The following RBFOX1 variants were observed in gnomAD, a reference collection of about 807,000 sequenced individuals.
RBFOX1 encodes RNA binding protein fox-1 homolog 1.
Under a neutral mutation model 57.7 loss-of-function variants are expected in RBFOX1, and 8 were observed. The ratio of observed to expected loss-of-function variants is 0.14; its 90% CI spans 0.08 to 0.25. The LOEUF (loss-of-function observed/expected upper bound fraction) is 0.25. Among genes scored for constraint, RBFOX1 ranks in the 10% least tolerant of loss-of-function variants. The pLI is 1.00. For missense variants in RBFOX1, 611 were observed against 548.5 expected (o/e 1.11, Z -1.14); for synonymous variants, 326 against 222.4 (o/e 1.47, Z -4.15).
At chr16:6,595,203 A>G (rs1049784377) in intron 2 of RBFOX1, among the ~76,000 whole-genome samples, 2 of 152,082 alleles carry the variant, frequency 1.3e-5, no homozygotes, top group African/African-American at 4.8e-5. Flanking sequence ...ATTAGTACTC[A>G]CACCCTGTAC....
chr16:5,454,246 G>A (rs1340563012), intron 1 of RBFOX1, among the ~76,000 whole-genome samples: 1 of 152,172 alleles, frequency 6.6e-6, no homozygotes, highest in East Asian at 1.9e-4. Context: ...CCCTCTGGAG[G>A]GAATAGTGTC....
intron 4 of RBFOX1, among the ~76,000 whole-genome samples, chr16:7,323,936 T>C (rs557136466): frequency 2.6e-5 from 4 of 151,790 alleles, no homozygotes; most frequent in Admixed American, 6.6e-5. Context: ...GGGTGGATGA[T>C]GAGTGGGTGG....
At chr16:5,753,914 C>G (rs1045743531) in intron 3 of RBFOX1, among the ~76,000 whole-genome samples, 1 of 151,806 alleles carries the variant, frequency 6.6e-6, no homozygotes, top group Non-Finnish European at 1.5e-5. Context: ...AGGGACAATA[C>G]AGGATTCTGT....
chr16:6,583,564 G>A (rs2097566622), intron 2 of RBFOX1, among the ~76,000 whole-genome samples: 1 of 152,196 alleles, frequency 6.6e-6, no homozygotes, highest in Admixed American at 6.5e-5. Flanking sequence ...ATTGGGGAGA[G>A]CATCTTGTTA....
intron 2 of RBFOX1, among the ~76,000 whole-genome samples, chr16:6,388,453 T>G (rs1217901235): frequency 6.6e-6 from 1 of 152,190 alleles, no homozygotes; most frequent in Admixed American, 6.5e-5. Context: ...TTAAAACATG[T>G]GTTTGTTTTT....
At chr16:5,274,857 G>A (rs1484576661) in intron 1 of RBFOX1, among the ~76,000 whole-genome samples, 3 of 152,214 alleles carry the variant, frequency 2.0e-5, no homozygotes, top group Non-Finnish European at 4.4e-5. Flanking sequence ...GAATGGGCAT[G>A]TCAGGGTCTA....
chr16:6,313,470 G>A (rs990594464), intron 1 of RBFOX1, among the ~76,000 whole-genome samples: 3 of 152,144 alleles, frequency 2.0e-5, no homozygotes, highest in African/African-American at 4.8e-5. Context: ...AAACAGAAAC[G>A]TTGCAGTAGC....
chr16:5,393,036 A>G (rs1378426537), intron 1 of RBFOX1, among the ~76,000 whole-genome samples: 2 of 152,140 alleles, frequency 1.3e-5, no homozygotes, highest in Non-Finnish European at 2.9e-5. Context: ...AGAGGTGGCT[A>G]AAAGACCTCC....
chr16:5,543,816 C>A (rs1382008620), intron 2 of RBFOX1, among the ~76,000 whole-genome samples: 4 of 152,018 alleles, frequency 2.6e-5, no homozygotes, highest in Admixed American at 6.6e-5. Flanking sequence ...TACAGAGCCA[C>A]AAAGATAAGG....
At chr16:7,357,877 C>A (rs1482976352) in intron 4 of RBFOX1, among the ~76,000 whole-genome samples, 1 of 152,178 alleles carries the variant, frequency 6.6e-6, no homozygotes, top group Non-Finnish European at 1.5e-5. Flanking sequence ...TTTCTTCAGT[C>A]TAGTTTTGGT....
chr16:6,063,708 A>G (rs6500746), intron 1 of RBFOX1, among the ~76,000 whole-genome samples: 131,155 of 152,146 alleles, frequency 0.86, 56,601 homozygotes, highest in African/African-American at 0.88. Flanking sequence ...GGGTCCTGTC[A>G]CCAGGGCAAC....
intron 1 of RBFOX1, among the ~76,000 whole-genome samples, chr16:6,021,137 T>C (rs1249209459): frequency 2.0e-5 from 3 of 152,192 alleles, no homozygotes; most frequent in African/African-American, 7.2e-5. Flanking sequence ...GGGAGTGTGG[T>C]GAAATAGCTT....
intron 4 of RBFOX1, among the ~76,000 whole-genome samples, chr16:6,002,456 G>C (rs189106559): frequency 1.5e-3 from 230 of 152,302 alleles, no homozygotes; most frequent in Middle Eastern, 6.8e-3. Flanking sequence ...ATGCACCTTT[G>C]CATTTTGAAC....
chr16:7,350,260 G>T (rs566025725), intron 4 of RBFOX1, among the ~76,000 whole-genome samples: 2 of 152,188 alleles, frequency 1.3e-5, no homozygotes, highest in African/African-American at 2.4e-5. Context: ...GCTGTGTACA[G>T]TCGTGGGGTA....
At position 7,031,896 on chromosome 16, in the gene RBFOX1, C is replaced by G. The variant is rs1246359661; in HGVS notation, c.-15-20161C>G. Among the ~76,000 whole-genome samples, 4 of 152,272 alleles carry G rather than the reference C, an allele frequency of 2.6e-5. No individual in the cohort carries two copies. In the East Asian group the frequency reaches 5.8e-4, roughly 22 times the overall value. ...ACCTTGCCTTCTAACTGATCTCTCCCTGATCAGTATAATTACGGAGGCCCT... is the reference window on the plus strand; with the variant it reads ...ACCTTGCCTTCTAACTGATCTCTCCGTGATCAGTATAATTACGGAGGCCCT... On this transcript the variant is annotated intron_variant, in intron 3 of 15. Transcript: ENST00000550418.
intron 3 of RBFOX1, among the ~76,000 whole-genome samples, chr16:6,845,114 C>T (rs561920347): frequency 4.6e-5 from 7 of 150,552 alleles, no homozygotes; most frequent in Admixed American, 1.3e-4. Context: ...CGAACATTGT[C>T]TGCCATTCTG....
intron 8 of RBFOX1, among the ~76,000 whole-genome samples, chr16:7,596,800 T>C (rs2094723561): frequency 6.6e-6 from 1 of 152,224 alleles, no homozygotes; most frequent in Non-Finnish European, 1.5e-5. Context: ...ATCCTTTTGT[T>C]AGCTGTGACG....
At chr16:6,664,341 A>G (rs1405511206) in intron 3 of RBFOX1, among the ~76,000 whole-genome samples, 2 of 152,200 alleles carry the variant, frequency 1.3e-5, no homozygotes, top group Admixed American at 6.5e-5. Flanking sequence ...AAACTAATGC[A>G]TAGCCACTAG....
intron 1 of RBFOX1, among the ~76,000 whole-genome samples, chr16:5,252,330 G>C (rs1027926895): frequency 1.3e-5 from 2 of 152,166 alleles, no homozygotes; most frequent in Non-Finnish European, 2.9e-5. Flanking sequence ...CCATTTCTTT[G>C]GGGGGCAAGT....
Sources: gnomAD v4.1 joint callset for allele counts (sites outside exome capture counted in the v4.1 genomes callset) on GRCh38, gnomAD v4.1.1 for gene constraint, MANE v1.5 for transcripts, NCBI Gene and HGNC (gene_info 2026-07-23, HGNC 2026-07-21) for gene names.